The following USP9X variants were observed in gnomAD, a reference collection of about 807,000 sequenced individuals.
USP9X encodes the protein ubiquitin specific peptidase 9 X-linked.
USP9X carries 7 observed loss-of-function variants against 190.3 expected under a neutral mutation model. That is an observed-to-expected ratio of 0.04 (90% CI 0.02 to 0.07). The LOEUF is 0.07. Among genes scored for constraint, USP9X ranks in the 10% least tolerant of loss-of-function variants. The pLI is 1.00. For synonymous variants in USP9X, 645 were observed against 659.5 expected (o/e 0.98, Z 0.34); for missense variants, 1,010 against 1,916.9 (o/e 0.53, Z 8.83).
At chrX:41,161,635 CTTTT>C (rs759623425) in intron 14 of USP9X, among the ~76,000 whole-genome samples, 6,617 of 47,312 alleles carry the variant, frequency 0.14, 494 homozygotes, top group Middle Eastern at 0.32. Context: ...GGCGCCCTGC[CTTTT>C]TTTTTTTTTT....
In USP9X at chrX:41,088,074, C is replaced by A. The variant is rs73624958; in HGVS notation, c.-159+1965C>A. 3.2e-3 allele frequency among the ~76,000 whole-genome samples: 360 copies of A among 111,997 alleles called. 1 individual carries two copies. Among genetic ancestry groups the A allele is most frequent in the African/African-American group, 0.011 (344 of 30,787 alleles). Reference sequence around the variant, plus strand: ...TCTCGGCTCACTGCAACGTCCACCTCCCGGGTTCAAGGGATTCTCCTGCCT... The same window carrying A: ...TCTCGGCTCACTGCAACGTCCACCTACCGGGTTCAAGGGATTCTCCTGCCT... On this transcript the variant is annotated intron_variant, in intron 1 of 44. Coordinates refer to ENST00000378308, the MANE Select transcript of USP9X (RefSeq NM_001039591.3).
intron 1 of USP9X, among the ~76,000 whole-genome samples, chrX:41,114,126 A>T (rs1345635558): frequency 8.9e-6 from 1 of 112,656 alleles, no homozygotes; most frequent in Non-Finnish European, 1.9e-5. Context: ...TAAATGGTCT[A>T]TCATAGTAAA....
chrX:41,228,791 T>C (rs1257591780), intron 41 of USP9X, among the ~76,000 whole-genome samples: 2 of 112,320 alleles, frequency 1.8e-5, no homozygotes, highest in Admixed American at 1.9e-4. Context: ...GCAAGCTGTG[T>C]AACTCTGTGC....
At position 41,146,679 on chromosome X, in the gene USP9X, TTTTTTG is replaced by T. The variant is rs1336865509; in HGVS notation, c.1420-1689_1420-1684del. 7.3e-4 allele frequency among the ~76,000 whole-genome samples: 49 copies of T among 67,164 alleles called. No individual in the cohort carries two copies. The East Asian group carries it at 0.014, about 19-fold the overall frequency. The allele number at this position is 67,164 out of a possible 115,157, so 58.3% of individuals were successfully genotyped here. A position where few individuals can be genotyped will look rare whatever the true frequency, so the allele number is the denominator to read the frequency against. ...AGCTATTTGCCTTTTTTTTTTTTTT[TTTTTTG>T]GGTGAATGCCTGTTCCCCCCCTCCC... On this transcript the variant is annotated intron_variant, in intron 11 of 44. Transcript: ENST00000378308.
chrX:41,137,742 GATTTTCTGAT>G (rs1290002067), intron 6 of USP9X, among the ~76,000 whole-genome samples: 1 of 111,238 alleles, frequency 9.0e-6, no homozygotes, highest in Non-Finnish European at 1.9e-5. Flanking sequence ...CTTAAGTTGA[GATTTTCTGAT>G]ATTTCCTAGT....
Position 41,229,885 on chromosome X carries a change from T to C in USP9X, c.7431+106T>C, listed in dbSNP as rs1296705152. On this transcript the variant is annotated intron_variant, in intron 43 of 44. Transcript: ENST00000378308. ...TATTAATGATATTATTAAAAGATTA[T>C]GTTGAAGTTTTGGGTTTTGAAAAAT... The C allele has an allele frequency of 2.6e-6, 3 of 1,147,455 alleles. No homozygotes were observed. In the African/African-American group the frequency reaches 5.5e-5, roughly 21 times the overall value. The allele number at this position is 1,147,455 out of a possible 1,213,427, so 94.6% of individuals were successfully genotyped here. A position where few individuals can be genotyped will look rare whatever the true frequency, so the allele number is the denominator to read the frequency against.
intron 27 of USP9X, 85 bp downstream of exon 27, chrX:41,196,444 A>T: frequency 2.7e-6 from 3 of 1,102,209 alleles, no homozygotes; most frequent in Non-Finnish European, 3.7e-6. Context: ...AGCTTGCATT[A>T]AAGTTAGGAC....
intron 14 of USP9X, among the ~76,000 whole-genome samples, chrX:41,157,615 C>A (rs1488879233): frequency 1.8e-5 from 2 of 111,413 alleles, no homozygotes; most frequent in Non-Finnish European, 3.8e-5. Flanking sequence ...ATTTCTGTTT[C>A]CCATAGTCAT....
intron 32 of USP9X, 75 bp from the exon 33 acceptor site, chrX:41,210,433 TC>T (rs1015896091): frequency 2.2e-5 from 24 of 1,071,348 alleles, no homozygotes; most frequent in African/African-American, 9.4e-5. Flanking sequence ...TGCTTTTTTT[TC>T]CCCTGAAAAA....
chrX:41,212,803 G>A (rs541347295), intron 33 of USP9X, among the ~76,000 whole-genome samples: 13 of 111,199 alleles, frequency 1.2e-4, no homozygotes, highest in African/African-American at 3.9e-4. Context: ...TTGGGTGAGA[G>A]GTAATACTAT....
intron 2 of USP9X, among the ~76,000 whole-genome samples, chrX:41,124,131 G>A (rs1246984257): frequency 2.7e-5 from 3 of 110,853 alleles, no homozygotes; most frequent in African/African-American, 9.9e-5. Flanking sequence ...TGAAGCAACT[G>A]TTATTTTAAG....
chrX:41,133,797 A>G, intron 4 of USP9X, among the ~76,000 whole-genome samples: 1 of 112,140 alleles, frequency 8.9e-6, no homozygotes, highest in East Asian at 2.8e-4. Context: ...GCTAAATAAT[A>G]CTCCATTGTG....
At chrX:41,212,181 GA>G (rs1476015713) in intron 33 of USP9X, among the ~76,000 whole-genome samples, 4 of 109,918 alleles carry the variant, frequency 3.6e-5, no homozygotes, top group Non-Finnish European at 7.6e-5. Flanking sequence ...TGTGCTCTCT[GA>G]AACATGTGCT....
At chrX:41,153,167 C>G (rs1267914708) in intron 14 of USP9X, 86 bp downstream of exon 14, 8 of 981,329 alleles carry the variant, frequency 8.2e-6, no homozygotes, top group Non-Finnish European at 1.1e-5. Flanking sequence ...AATCATGTTC[C>G]TTTATGGATT....
chrX:41,195,736 A>G (rs1011033232), intron 26 of USP9X, among the ~76,000 whole-genome samples: 2 of 112,149 alleles, frequency 1.8e-5, no homozygotes, highest in East Asian at 2.8e-4. Context: ...ATGAGAATCT[A>G]ATGCCACCGC....
At chrX:41,125,722 G>A (rs868686090) in intron 2 of USP9X, among the ~76,000 whole-genome samples, 5 of 67,399 alleles carry the variant, frequency 7.4e-5, no homozygotes, top group African/African-American at 3.2e-4. Context: ...TCTCTCTCGC[G>A]CACGCGCGCG....
At chrX:41,140,572 C>A in intron 6 of USP9X, 84 bp from the exon 7 acceptor site, 1 of 601,990 alleles carries the variant, frequency 1.7e-6, no homozygotes, top group Non-Finnish European at 2.6e-6. Flanking sequence ...TTTACTATTT[C>A]TAGTATATTT....
chrX:41,094,277 A>G (rs761702080), intron 1 of USP9X, among the ~76,000 whole-genome samples: 2 of 108,928 alleles, frequency 1.8e-5, no homozygotes, highest in East Asian at 5.8e-4. Context: ...CCTGGGTTCA[A>G]GTGATTCTCC....
intron 1 of USP9X, among the ~76,000 whole-genome samples, chrX:41,110,573 G>A (rs997323533): frequency 9.0e-6 from 1 of 111,536 alleles, no homozygotes; most frequent in East Asian, 2.8e-4. Flanking sequence ...CTCTGTCCCA[G>A]TTTTTTTACT....
Sources: gnomAD v4.1 joint callset for allele counts (sites outside exome capture counted in the v4.1 genomes callset) on GRCh38, gnomAD v4.1.1 for gene constraint, MANE v1.5 for transcripts, NCBI Gene and HGNC (gene_info 2026-07-23, HGNC 2026-07-21) for gene names.